Variants in CNTN5 observed in about 807,000 individuals in gnomAD.
The protein encoded by CNTN5 is contactin-5.
A neutral mutation model predicts 129.1 loss-of-function variants in CNTN5; 77 were observed. The ratio of observed to expected loss-of-function variants is 0.60; its 90% CI spans 0.50 to 0.72. The LOEUF (loss-of-function observed/expected upper bound fraction) is 0.72, where lower values mean the gene tolerates loss of function less well. Among genes scored for constraint, CNTN5 ranks in the 30% least tolerant of loss-of-function variants. CNTN5 has a pLI of 0.00. For synonymous variants in CNTN5, 509 were observed against 465.6 expected (o/e 1.09, Z -1.20); for missense variants, 1,478 against 1,328.8 (o/e 1.11, Z -1.75).
chr11:99,335,482 A>T (rs1866182700), intron 2 of CNTN5, among the ~76,000 whole-genome samples: 1 of 151,962 alleles, frequency 6.6e-6, no homozygotes, highest in South Asian at 2.1e-4. Flanking sequence ...AAAATAGTTT[A>T]ACAGGAGGTG....
In CNTN5 at chr11:99,260,241, T is replaced by A. The variant is rs115136419; in HGVS notation, c.-209-65105T>A. Among the ~76,000 whole-genome samples, 1,296 of 151,890 alleles carry A rather than the reference T, an allele frequency of 8.5e-3. 16 individuals are homozygous for A. Among genetic ancestry groups the A allele is most frequent in the African/African-American group, 0.029 (1,213 of 41,528 alleles). On this transcript the variant is annotated intron_variant, in intron 1 of 24. Coordinates refer to ENST00000524871, the MANE Select transcript of CNTN5 (RefSeq NM_014361.4). ...AGCATTTCATTCATTTGGGGATGTATGTAAACTGCCTTAAATATATATATT... is the reference window on the plus strand; with the variant it reads ...AGCATTTCATTCATTTGGGGATGTAAGTAAACTGCCTTAAATATATATATT...
At chr11:99,164,167 A>C (rs1262652718) in intron 1 of CNTN5, among the ~76,000 whole-genome samples, 2 of 152,036 alleles carry the variant, frequency 1.3e-5, no homozygotes, top group East Asian at 1.9e-4. Flanking sequence ...CTCTACTAAA[A>C]ATACAAAAAT....
chr11:100,271,846 G>A lies in CNTN5; in HGVS notation c.2314+605G>A, dbSNP rs566664510. ...GTTTCTAATGACTGAGGAATTAACA[G>A]CTCTATTTGAATTTTAAGATATCTT... On this transcript the variant is annotated intron_variant, in intron 18 of 24. Coordinates refer to ENST00000524871, the MANE Select transcript of CNTN5 (RefSeq NM_014361.4). Among the ~76,000 whole-genome samples, 5 of 152,268 alleles carry A rather than the reference G, an allele frequency of 3.3e-5. No homozygotes were observed. The East Asian group carries it at 9.6e-4, about 29-fold the overall frequency.
chr11:99,678,731 G>A (rs1215571538), intron 3 of CNTN5, among the ~76,000 whole-genome samples: 4 of 152,008 alleles, frequency 2.6e-5, no homozygotes, highest in African/African-American at 9.7e-5. Context: ...AGTCCTTTTA[G>A]AAAGAGGTAA....
chr11:100,196,147 C>T lies in CNTN5; in HGVS notation c.1884+2484C>T, dbSNP rs765285718. On this transcript the variant is annotated intron_variant, in intron 15 of 24. Coordinates refer to ENST00000524871, the MANE Select transcript of CNTN5 (RefSeq NM_014361.4). The stretch of plus-strand genomic sequence containing the variant: ...GAGTAAAAAAATGAAAATGGGATTC[C>T]GGGACTTAAGCAGGAATAGAGTGTG... Among the ~76,000 whole-genome samples the T allele has an allele frequency of 4.6e-5, 7 of 151,788 alleles. No homozygotes were observed. The East Asian group carries it at 7.8e-4, about 17-fold the overall frequency.
At chr11:99,915,127 C>T (rs142062547) in intron 6 of CNTN5, among the ~76,000 whole-genome samples, 2 of 152,114 alleles carry the variant, frequency 1.3e-5, no homozygotes, top group African/African-American at 4.8e-5. Flanking sequence ...ACATGATTTA[C>T]AGACCCAGAA....
chr11:99,370,484 T>TA (rs1939759166), intron 2 of CNTN5, among the ~76,000 whole-genome samples: 1 of 152,232 alleles, frequency 6.6e-6, no homozygotes, highest in Admixed American at 6.5e-5. Flanking sequence ...ATTGAACACG[T>TA]ACCTTCAAAA....
intron 1 of CNTN5, among the ~76,000 whole-genome samples, chr11:99,116,444 T>C (rs1591217740): frequency 2.6e-5 from 4 of 152,320 alleles, no homozygotes; most frequent in Middle Eastern, 6.8e-3. Flanking sequence ...TCGTCTTTTT[T>C]ATGTGCTTCG....
At chr11:99,803,264 A>G (rs1022104759) in intron 3 of CNTN5, among the ~76,000 whole-genome samples, 2 of 152,230 alleles carry the variant, frequency 1.3e-5, no homozygotes, top group Admixed American at 6.5e-5. Flanking sequence ...AATGATACCC[A>G]GATGAGTTCC....
rs1005267286 is a variant in CNTN5 at position 100,070,501 on chromosome 11, A to G, written c.1240A>G (p.Thr414Ala). The G allele has an allele frequency of 2.5e-6, 4 of 1,613,128 alleles. No individual in the cohort carries two copies. The highest frequency in any genetic ancestry group is 3.4e-6 in the Non-Finnish European group (4 of 1,179,468). ...CCCTCTCCGATGGGAATGTAAGGCT[A>G]CTGGAAAACCCAGACCCACGTATCG... ...GSPLRWECKA[T>A]GKPRPTYRWL... The change falls in exon 11 of 25, where the codon ACT (threonine) becomes GCT (alanine). Residue 414 changes from threonine (T) to alanine (A), a missense_variant. Coordinates refer to ENST00000524871, the MANE Select transcript of CNTN5 (RefSeq NM_014361.4).
At chr11:99,368,508 C>T (rs1014467458) in intron 2 of CNTN5, among the ~76,000 whole-genome samples, 3 of 151,758 alleles carry the variant, frequency 2.0e-5, no homozygotes, top group East Asian at 1.9e-4. Flanking sequence ...AAAATATAAG[C>T]TTTATCTTCA....
Position 100,299,214 on chromosome 11 carries a change from T to A in CNTN5, c.2438T>A (p.Phe813Tyr), listed in dbSNP as rs1314184473. ...NGEGFGYIVA[F>Y]RPNGTRGWKE... ...GAAGGCTTCGGCTATATTGTGGCTT[T>A]CAGACCCAATGGAACACGTGGCTGG... Residue 813 changes from phenylalanine (F) to tyrosine (Y), a missense_variant, in exon 20 of 25, where the codon TTC (phenylalanine) becomes TAC (tyrosine). By Grantham distance (22) the Phe-to-Tyr change is conservative. Coordinates refer to ENST00000524871, the MANE Select transcript of CNTN5 (RefSeq NM_014361.4). 1 of 1,610,064 alleles carries A rather than the reference T, an allele frequency of 6.2e-7. No individual in the cohort carries two copies. The highest frequency in any genetic ancestry group is 8.5e-7 in the Non-Finnish European group (1 of 1,177,408).
At chr11:100,088,963 TAA>T (rs942670502) in intron 13 of CNTN5, among the ~76,000 whole-genome samples, 1 of 151,810 alleles carries the variant, frequency 6.6e-6, no homozygotes, top group Non-Finnish European at 1.5e-5. Flanking sequence ...TATCCCCAAT[TAA>T]AAAAACAAAA....
At chr11:99,022,368 G>A (rs1489565063) in intron 1 of CNTN5, among the ~76,000 whole-genome samples, 3 of 152,134 alleles carry the variant, frequency 2.0e-5, no homozygotes, top group Admixed American at 6.5e-5. Flanking sequence ...ATTACAGGGA[G>A]CTTAAAGGAG....
chr11:99,337,752 C>T (rs903041444), intron 2 of CNTN5, among the ~76,000 whole-genome samples: 4 of 152,076 alleles, frequency 2.6e-5, no homozygotes, highest in East Asian at 1.9e-4. Flanking sequence ...CATATTTTTC[C>T]GGGACTATCT....
chr11:99,577,420 T>C (rs558740806), intron 3 of CNTN5, among the ~76,000 whole-genome samples: 25 of 152,292 alleles, frequency 1.6e-4, no homozygotes, highest in African/African-American at 5.8e-4. Context: ...ATGATTAATC[T>C]TAATGTTTAG....
intron 15 of CNTN5, among the ~76,000 whole-genome samples, chr11:100,210,759 C>T (rs1406701997): frequency 6.6e-6 from 1 of 152,124 alleles, no homozygotes; most frequent in East Asian, 1.9e-4. Context: ...ACCCCATCAA[C>T]GTCCTTCAAG....
intron 6 of CNTN5, among the ~76,000 whole-genome samples, chr11:99,906,202 T>G (rs1055922834): frequency 6.6e-6 from 1 of 152,150 alleles, no homozygotes; most frequent in Admixed American, 6.6e-5. Flanking sequence ...GAGGGCATCC[T>G]TGTCTTGTGC....
intron 1 of CNTN5, among the ~76,000 whole-genome samples, chr11:99,247,091 G>C (rs17659929): frequency 6.6e-6 from 1 of 151,990 alleles, no homozygotes; most frequent in Non-Finnish European, 1.5e-5. Context: ...AGAATTTTCT[G>C]TGTGTCTGGC....
Sources: allele counts gnomAD v4.1 joint callset (sites outside exome capture counted in the v4.1 genomes callset), GRCh38; gene constraint gnomAD v4.1.1; transcripts MANE v1.5; gene names NCBI Gene and HGNC (gene_info 2026-07-23, HGNC 2026-07-21).